Variants in ATP10B observed in about 807,000 individuals in gnomAD.
The protein encoded by ATP10B is ATPase phospholipid transporting 10B (putative), also known as phospholipid-transporting ATPase VB.
ATP10B carries 122 observed loss-of-function variants against 141.2 expected under a neutral mutation model. The ratio of observed to expected loss-of-function variants is 0.86; its 90% confidence interval spans 0.75 to 1.00. ATP10B has a LOEUF of 1.00. Ranked by LOEUF, ATP10B falls within the 50% of genes least tolerant of loss-of-function variation. ATP10B has a pLI of 0.00. For missense variants in ATP10B, 1,876 were observed against 1,825.3 expected (o/e 1.03, Z -0.51); for synonymous variants, 685 against 692.0 (o/e 0.99, Z 0.16).
intron 2 of ATP10B, among the ~76,000 whole-genome samples, chr5:160,754,490 T>C (rs1232445242): frequency 6.6e-6 from 1 of 152,172 alleles, no homozygotes; most frequent in Non-Finnish European, 1.5e-5. Context: ...CAAGGGTCTG[T>C]GGAAATGAAA....
chr5:160,899,448 C>T, the ATP10B span, among the ~76,000 whole-genome samples: 4 of 151,932 alleles, frequency 2.6e-5, no homozygotes, highest in African/African-American at 9.7e-5. Flanking sequence ...TTGGGGGTGA[C>T]GGATGTGTTT....
chr5:160,718,936 G>A (rs1220225607), intron 2 of ATP10B, among the ~76,000 whole-genome samples: 1 of 152,218 alleles, frequency 6.6e-6, no homozygotes, highest in South Asian at 2.1e-4. Context: ...CCACTGTCCC[G>A]GCACATAGCA....
intron 2 of ATP10B, among the ~76,000 whole-genome samples, chr5:160,736,252 C>A (rs1282457704): frequency 6.6e-6 from 1 of 151,744 alleles, no homozygotes; most frequent in Admixed American, 6.6e-5. Context: ...AGAGAAGATC[C>A]AAATAAAATA....
the ATP10B span, among the ~76,000 whole-genome samples, chr5:160,884,307 G>A: frequency 6.6e-6 from 1 of 152,166 alleles, no homozygotes; most frequent in Admixed American, 6.5e-5. Context: ...TTCCAGGTAG[G>A]AGGAAATTGT....
chr5:160,702,193 T>C (rs1280877760), intron 3 of ATP10B, among the ~76,000 whole-genome samples: 1 of 151,982 alleles, frequency 6.6e-6, no homozygotes, highest in Admixed American at 6.5e-5. Context: ...TTTAAAATTA[T>C]TTAAAAATAT....
At chr5:160,581,138 T>C (rs997003264) in intron 24 of ATP10B, among the ~76,000 whole-genome samples, 3 of 152,340 alleles carry the variant, frequency 2.0e-5, no homozygotes, top group South Asian at 2.1e-4. Context: ...GTTTTTTGTG[T>C]TTCTATCTCC....
intron 2 of ATP10B, among the ~76,000 whole-genome samples, chr5:160,778,526 C>T (rs1434274768): frequency 6.6e-6 from 1 of 152,170 alleles, no homozygotes; most frequent in Non-Finnish European, 1.5e-5. Context: ...AAGCATCCAA[C>T]TCTATCCCAT....
intron 16 of ATP10B, among the ~76,000 whole-genome samples, chr5:160,616,457 C>T (rs534554833): frequency 8.5e-5 from 13 of 152,242 alleles, no homozygotes; most frequent in South Asian, 6.2e-4. Flanking sequence ...GGCTGTGGAA[C>T]GGCAATGAAC....
chr5:160,726,630 C>CAA (rs59958884), intron 2 of ATP10B, among the ~76,000 whole-genome samples: 6,941 of 133,752 alleles, frequency 0.052, 549 homozygotes, highest in African/African-American at 0.18. Context: ...AAAAGGGAAA[C>CAA]AGAGAGAGCA....
intron 24 of ATP10B, among the ~76,000 whole-genome samples, chr5:160,576,845 C>G (rs554590567): frequency 1.3e-5 from 2 of 152,130 alleles, no homozygotes; most frequent in Non-Finnish European, 2.9e-5. Context: ...ATTACAGGTT[C>G]GTAAGTGAGG....
chr5:160,645,115 T>TAA, intron 8 of ATP10B, among the ~76,000 whole-genome samples: 1 of 92,058 alleles, frequency 1.1e-5, no homozygotes, highest in Non-Finnish European at 2.5e-5. Context: ...AGACTCCATC[T>TAA]TAAAAAAAAA....
At chr5:160,706,749 A>G (rs886134120) in intron 3 of ATP10B, among the ~76,000 whole-genome samples, 7 of 152,362 alleles carry the variant, frequency 4.6e-5, no homozygotes, top group Middle Eastern at 3.4e-3. Flanking sequence ...TAAGAAATTA[A>G]TATCGATACA....
At chr5:160,587,120 TTTTTGTATAAGGTGTTAA>T (rs537563167) in intron 24 of ATP10B, among the ~76,000 whole-genome samples, 257 of 152,316 alleles carry the variant, frequency 1.7e-3, no homozygotes, top group Non-Finnish European at 2.9e-3. Context: ...CTTGAGTTAA[TTTTTGTATAAGGTGTTAA>T]TTTTGTATAA....
intron 1 of ATP10B, among the ~76,000 whole-genome samples, chr5:160,804,916 C>T (rs975311116): frequency 4.6e-5 from 7 of 152,210 alleles, no homozygotes; most frequent in Non-Finnish European, 1.0e-4. Context: ...TCCATTCATA[C>T]CAAAGTCCTG....
the ATP10B span, among the ~76,000 whole-genome samples, chr5:160,924,240 C>T: frequency 1.3e-5 from 2 of 152,198 alleles, no homozygotes; most frequent in African/African-American, 4.8e-5. Flanking sequence ...TTTGGAGCAG[C>T]TGAACAGAGT....
intron 1 of ATP10B, among the ~76,000 whole-genome samples, chr5:160,814,634 A>G (rs1283502269): frequency 2.0e-5 from 3 of 152,112 alleles, no homozygotes; most frequent in Admixed American, 2.0e-4. Context: ...AATACAGAGA[A>G]CACCACAAAG....
intron 7 of ATP10B, among the ~76,000 whole-genome samples, chr5:160,661,763 C>T (rs1761927653): frequency 6.6e-6 from 1 of 152,186 alleles, no homozygotes; most frequent in Non-Finnish European, 1.5e-5. Flanking sequence ...TCTCTCACCA[C>T]TCTTATTCAA....
chr5:160,734,696 A>C (rs976909523), intron 2 of ATP10B, among the ~76,000 whole-genome samples: 5 of 152,058 alleles, frequency 3.3e-5, no homozygotes, highest in African/African-American at 1.2e-4. Context: ...CTCAATAAAA[A>C]CACAACAAAA....
intron 1 of ATP10B, among the ~76,000 whole-genome samples, chr5:160,790,417 C>G (rs764120924): frequency 6.6e-6 from 1 of 152,142 alleles, no homozygotes; most frequent in Non-Finnish European, 1.5e-5. Flanking sequence ...TTCACATCTA[C>G]CTGAGAAAAC....
Sources: allele counts gnomAD v4.1 joint callset (sites outside exome capture counted in the v4.1 genomes callset), GRCh38; gene constraint gnomAD v4.1.1; transcripts MANE v1.5; gene names NCBI Gene and HGNC (gene_info 2026-07-23, HGNC 2026-07-21).